The following BFSP1 variants were observed in gnomAD, a reference collection of about 807,000 sequenced individuals.
The protein encoded by BFSP1 is beaded filament structural protein 1.
Under a neutral mutation model 43.9 loss-of-function variants are expected in BFSP1, and 38 were observed. That is an observed-to-expected ratio of 0.87 (90% confidence interval 0.67 to 1.14). BFSP1 has a LOEUF of 1.14. Among genes scored for constraint, BFSP1 ranks in the 50% most tolerant of loss-of-function variants. The pLI is 0.00. For missense variants in BFSP1, 850 were observed against 875.1 expected, an observed-to-expected ratio of 0.97 and a Z score of 0.36; for synonymous variants, 352 against 354.8, an observed-to-expected ratio of 0.99 and a Z score of 0.09.
rs747226238 is a variant in BFSP1 at position 17,512,051 on chromosome 20, C to G, written c.552G>C (p.Gln184His). The change falls in exon 4 of 8, where the codon CAG becomes CAC. Residue 184 changes from glutamine to histidine, a missense_variant. By Grantham distance (24) the Gln-to-His change is conservative (BLOSUM62 0). Transcript: ENST00000377873. ...DRHKKNLLEV[Q>H]TYISILQQII... The stretch of plus-strand genomic sequence containing the variant: ...TCTGCTGCAGGATGCTGATATAGGT[C>G]TGAACTTCCAGAAGATTCTGTTGGG... 7.4e-5 allele frequency: 119 copies of G among 1,608,920 alleles called. No homozygotes were observed. The highest frequency in any genetic ancestry group is 9.5e-5 in the Non-Finnish European group (112 of 1,175,412).
chr20:17,523,772 G>A (rs943147349), intron 2 of BFSP1, among the ~76,000 whole-genome samples: 7 of 151,710 alleles, frequency 4.6e-5, no homozygotes, highest in Admixed American at 2.0e-4. Flanking sequence ...GTGCTCACGC[G>A]CAGAGGGGCA....
chr20:17,503,951 A>T (rs760483024), intron 5 of BFSP1, among the ~76,000 whole-genome samples: 1 of 152,324 alleles, frequency 6.6e-6, no homozygotes, highest in South Asian at 2.1e-4. Context: ...CAGGAAAGTC[A>T]CCTGTGATCT....
chr20:17,557,817 G>C (rs1364908892), intron 1 of BFSP1, among the ~76,000 whole-genome samples: 2 of 152,152 alleles, frequency 1.3e-5, no homozygotes, highest in African/African-American at 2.4e-5. Flanking sequence ...TAATAAACCT[G>C]TTATGCAGGA....
rs201594995 is a variant in BFSP1, at chr20:17,546,709, C to CA, written c.2+11978dup. Among the ~76,000 whole-genome samples the CA allele has an allele frequency of 7.6e-3, 1,142 of 150,936 alleles. 9 individuals are homozygous for CA. Among genetic ancestry groups the CA allele is most frequent in the Non-Finnish European group, 0.012 (811 of 67,636 alleles). On this transcript the variant is annotated intron_variant, in intron 1 of 7. Coordinates refer to the BFSP1 transcript ENST00000377868. ...ACAGAGTGAGACTCCATTTAAAAAA[C>CA]AAAAAAAACAAAGAAGAAAGCAGCT...
intron 1 of BFSP1, among the ~76,000 whole-genome samples, chr20:17,555,051 C>T (rs1354887825): frequency 1.3e-5 from 2 of 152,040 alleles, no homozygotes; most frequent in Non-Finnish European, 2.9e-5. Flanking sequence ...GTAATCCCAG[C>T]ACTTTGGGAG....
Position 17,494,648 on chromosome 20 carries a change from C to T in BFSP1, c.1424G>A (p.Gly475Glu). 1 of 1,614,206 alleles carries T rather than the reference C, an allele frequency of 6.2e-7. No individual in the cohort carries two copies. Among genetic ancestry groups the T allele is most frequent in the Non-Finnish European group, 8.5e-7 (1 of 1,180,046 alleles). The change falls in exon 8 of 8, where the codon GGG (glycine) becomes GAG (glutamate). Residue 475 changes from glycine (G) to glutamate (E), a missense_variant. Coordinates refer to ENST00000377873, the MANE Select transcript of BFSP1 (RefSeq NM_001195.5). Reference protein sequence around the residue: ...YTKERHVLVTGDANYVDPRFY... With the variant: ...YTKERHVLVTEDANYVDPRFY... ...TCTAGGGTCCACGTAATTGGCATCC[C>T]CTGTGACCAGCACGTGCCGCTCTTT...
intron 1 of BFSP1, among the ~76,000 whole-genome samples, chr20:17,548,141 A>G (rs1182884578): frequency 2.7e-5 from 4 of 150,040 alleles, no homozygotes; most frequent in Admixed American, 6.7e-5. Flanking sequence ...TGTAGCCTGG[A>G]AAGAATTTAA....
At chr20:17,548,002 G>A (rs149824184) in intron 1 of BFSP1, among the ~76,000 whole-genome samples, 1 of 147,556 alleles carries the variant, frequency 6.8e-6, no homozygotes, top group African/African-American at 2.5e-5. Context: ...GCCTGCCTCA[G>A]CCTCCGACAG....
At position 17,494,739 on chromosome 20, in the gene BFSP1, A is replaced by G; in HGVS notation, c.1333T>C (p.Tyr445His). ...GQISKGFGKL[Y>H]RKVKEKVRSP... ...CTCACTTTCTCCTTGACCTTCCTGT[A>G]TAGTTTCCCAAAGCCTTTGCTTATC... Residue 445 changes from tyrosine (Y) to histidine (H), a missense_variant, in exon 8 of 8, where the codon TAC (tyrosine) becomes CAC (histidine). By Grantham distance (83) the Tyr-to-His change is moderately conservative. Coordinates refer to ENST00000377873, the MANE Select transcript of BFSP1 (RefSeq NM_001195.5). 6.2e-7 allele frequency: 1 copy of G among 1,614,072 alleles called. No individual in the cohort carries two copies. Among genetic ancestry groups the G allele is most frequent in the East Asian group, 2.2e-5 (1 of 44,860 alleles).
At chr20:17,497,642 A>G (rs116838142) in intron 6 of BFSP1, among the ~76,000 whole-genome samples, 2,574 of 150,018 alleles carry the variant, frequency 0.017, 80 homozygotes, top group African/African-American at 0.06. Context: ...ATATACATAT[A>G]TACATATATC....
intron 7 of BFSP1, among the ~76,000 whole-genome samples, chr20:17,496,246 C>T (rs1450881536): frequency 6.6e-6 from 1 of 152,350 alleles, no homozygotes; most frequent in African/African-American, 2.4e-5. Context: ...AACACCATTT[C>T]CACAAAGCCC....
Position 17,553,850 on chromosome 20 carries a change from C to CATATATATAT in BFSP1, c.2+4837_2+4838insATATATATAT, listed in dbSNP as rs869119570. Among the ~76,000 whole-genome samples, 119 of 76,852 alleles carry CATATATATAT rather than the reference C, an allele frequency of 1.5e-3. 5 individuals carry two copies. The highest frequency in any genetic ancestry group is 0.013 in the Middle Eastern group (2 of 160). The allele number at this position is 76,852 out of a possible 152,430, so 50.4% of individuals were successfully genotyped here. The stretch of plus-strand genomic sequence containing the variant: ...ATATATATATATACACATATATATA[C>CATATATATAT]ATATATATACACATATATATACATA... On this transcript the variant is annotated intron_variant, in intron 1 of 7. Coordinates refer to the BFSP1 transcript ENST00000377868.
chr20:17,531,337 C>T lies in BFSP1; in HGVS notation c.-8G>A. The T allele has an allele frequency of 7.2e-7, 1 of 1,397,898 alleles. No homozygotes were observed. Among genetic ancestry groups the T allele is most frequent in the Non-Finnish European group, 9.2e-7 (1 of 1,081,980 alleles). The allele number at this position is 1,397,898 out of a possible 1,614,324, so 86.6% of individuals were successfully genotyped here. On this transcript the variant is annotated 5_prime_UTR_variant, in exon 1 of 8. Coordinates refer to ENST00000377873, the MANE Select transcript of BFSP1 (RefSeq NM_001195.5). ...GTAGCTGCGCCGGTACATGGCTGCT[C>T]TGGCGCGGGCGCGCGGGCGGCGCCG... is the stretch of plus-strand genomic sequence containing the variant.
chr20:17,566,670 T>C (rs993259865), intron 1 of BFSP1, among the ~76,000 whole-genome samples: 10 of 152,146 alleles, frequency 6.6e-5, no homozygotes, highest in African/African-American at 2.4e-4. Flanking sequence ...CCTCTTTTTT[T>C]TTGAGACACA....
chr20:17,533,548 G>A (rs1394194460), upstream of BFSP1, among the ~76,000 whole-genome samples: 1 of 152,178 alleles, frequency 6.6e-6, no homozygotes, highest in Admixed American at 6.5e-5. Context: ...AAAAGCACAA[G>A]AGCAAGCCCA....
At position 17,522,949 on chromosome 20, in the gene BFSP1, G is replaced by A. The variant is rs543167825; in HGVS notation, c.438+1899C>T. ...CGCTGGGGCTCTGCAGCTCACCTGC[G>A]GGCAGTACTGTCTTACTTGGACCCA... On this transcript the variant is annotated intron_variant, in intron 2 of 7. Coordinates refer to ENST00000377873, the MANE Select transcript of BFSP1 (RefSeq NM_001195.5). Among the ~76,000 whole-genome samples the A allele has an allele frequency of 3.3e-5, 5 of 152,254 alleles. No individual in the cohort carries two copies. In the East Asian group the frequency reaches 7.7e-4, roughly 24 times the overall value.
intron 5 of BFSP1, among the ~76,000 whole-genome samples, chr20:17,499,242 A>ATTT (rs11339300): frequency 3.1e-4 from 40 of 129,638 alleles, no homozygotes; most frequent in East Asian, 1.2e-3. Flanking sequence ...TCCTTACACA[A>ATTT]TTTTTTTTTT....
chr20:17,550,395 T>A (rs79439439), intron 1 of BFSP1, among the ~76,000 whole-genome samples: 12,168 of 152,118 alleles, frequency 0.08, 689 homozygotes, highest in East Asian at 0.32. Context: ...ATTTATTAGT[T>A]TGTTGATTTA....
At chr20:17,568,703 T>TA (rs1438878506) in intron 1 of BFSP1, among the ~76,000 whole-genome samples, 4 of 152,090 alleles carry the variant, frequency 2.6e-5, no homozygotes, top group African/African-American at 9.7e-5. Context: ...CTGCACAACT[T>TA]ACTGTCTTTT....
Sources: gnomAD v4.1 joint callset for allele counts (sites outside exome capture counted in the v4.1 genomes callset) on GRCh38, gnomAD v4.1.1 for gene constraint, MANE v1.5 for transcripts, NCBI Gene and HGNC (gene_info 2026-07-23, HGNC 2026-07-21) for gene names.